The following RRAS2 variants were observed in gnomAD, a reference collection of about 807,000 sequenced individuals.
RRAS2 encodes RAS related 2.
A neutral mutation model predicts 27.6 loss-of-function variants in RRAS2; 7 were observed. The ratio of observed to expected loss-of-function variants is 0.25; its 90% CI spans 0.14 to 0.48. RRAS2 has a LOEUF of 0.48. RRAS2 is among the 20% of genes least tolerant of loss of function. The probability of loss-of-function intolerance (pLI) is 0.99; values close to 1 mark genes in which losing one functional copy is unlikely to be tolerated. For synonymous variants in RRAS2, 86 were observed against 90.9 expected, an observed-to-expected ratio of 0.95 and a Z score of 0.31; for missense variants, 178 against 256.2, an observed-to-expected ratio of 0.69 and a Z score of 2.08.
At position 14,335,034 on chromosome 11, in the gene RRAS2, C is replaced by A. The variant is rs16913833; in HGVS notation, c.108+23729G>T. ...CTGTTCATTGCTGAATCCAAACTTA[C>A]AATTTTCACCATCAGATTATTTACC... On this transcript the variant is annotated intron_variant, in intron 1 of 5. Transcript: ENST00000256196. Among the ~76,000 whole-genome samples, 53 of 152,296 alleles carry A rather than the reference C, an allele frequency of 3.5e-4. 1 individual carries two copies. The highest frequency in any genetic ancestry group is 3.3e-3 in the East Asian group (17 of 5,184).
chr11:14,364,284 T>G, intron 1 of RRAS2: 2 of 1,047,004 alleles, frequency 1.9e-6, no homozygotes, highest in Non-Finnish European at 2.9e-6. Flanking sequence ...GAGAGGGAGA[T>G]GCTAGAATCA....
intron 1 of RRAS2, among the ~76,000 whole-genome samples, chr11:14,331,153 T>C (rs1848472912): frequency 6.6e-6 from 1 of 152,186 alleles, no homozygotes; most frequent in African/African-American, 2.4e-5. Context: ...TACTACCCAA[T>C]TCATCTTTCA....
At chr11:14,303,894 C>T (rs1268801493) in intron 1 of RRAS2, among the ~76,000 whole-genome samples, 1 of 152,092 alleles carries the variant, frequency 6.6e-6, no homozygotes, top group African/African-American at 2.4e-5. Flanking sequence ...TTCATGAGGG[C>T]CCTCCATACT....
chr11:14,339,985 G>A (rs1322757125), intron 1 of RRAS2, among the ~76,000 whole-genome samples: 8 of 151,764 alleles, frequency 5.3e-5, no homozygotes, highest in African/African-American at 1.9e-4. Context: ...CGGGTGTGGT[G>A]GTGCAGGCCA....
At chr11:14,282,422 T>C (rs1261396985) in intron 4 of RRAS2, among the ~76,000 whole-genome samples, 2 of 152,142 alleles carry the variant, frequency 1.3e-5, no homozygotes, top group Non-Finnish European at 2.9e-5. Context: ...AAAGGTGGCA[T>C]AGCTGATTGA....
intron 1 of RRAS2, among the ~76,000 whole-genome samples, chr11:14,299,270 G>T (rs1200423960): frequency 6.6e-6 from 1 of 152,152 alleles, no homozygotes; most frequent in East Asian, 1.9e-4. Context: ...TTACACTTCA[G>T]ACCAACCACA....
At chr11:14,301,521 G>C (rs150007641) in intron 1 of RRAS2, among the ~76,000 whole-genome samples, 559 of 151,324 alleles carry the variant, frequency 3.7e-3, no homozygotes, top group Middle Eastern at 0.017. Context: ...TTTCTTCCCC[G>C]ACCGAACTAG....
chr11:14,317,986 A>G (rs1848148074), intron 1 of RRAS2, among the ~76,000 whole-genome samples: 2 of 152,192 alleles, frequency 1.3e-5, no homozygotes, highest in South Asian at 4.1e-4. Flanking sequence ...CACATTTCTA[A>G]AAGAGAATCA....
At chr11:14,286,475 A>C (rs1789382219) in intron 4 of RRAS2, among the ~76,000 whole-genome samples, 1 of 152,222 alleles carries the variant, frequency 6.6e-6, no homozygotes, top group Non-Finnish European at 1.5e-5. Context: ...GAGTTATACT[A>C]TCCAATACTC....
intron 1 of RRAS2, among the ~76,000 whole-genome samples, chr11:14,297,694 C>T (rs1039484214): frequency 6.6e-6 from 1 of 152,010 alleles, no homozygotes; most frequent in African/African-American, 2.4e-5. Context: ...CCCAGGAGTT[C>T]GAGGTTACAG....
intron 1 of RRAS2, among the ~76,000 whole-genome samples, chr11:14,315,576 T>A (rs1417368765): frequency 2.0e-5 from 3 of 152,200 alleles, no homozygotes; most frequent in African/African-American, 7.2e-5. Context: ...CTGAATAAAG[T>A]ATAGACTTTA....
intron 1 of RRAS2, among the ~76,000 whole-genome samples, chr11:14,318,453 A>C (rs1848158672): frequency 6.6e-6 from 1 of 152,110 alleles, no homozygotes; most frequent in South Asian, 2.1e-4. Flanking sequence ...CAGTGAGCTG[A>C]GACCATGCCA....
intron 1 of RRAS2, among the ~76,000 whole-genome samples, chr11:14,349,593 C>T (rs570436829): frequency 1.3e-5 from 2 of 152,250 alleles, no homozygotes; most frequent in African/African-American, 4.8e-5. Context: ...AACTGGCTCC[C>T]ATTTTCCACA....
intron 1 of RRAS2, among the ~76,000 whole-genome samples, chr11:14,302,443 C>T (rs1428325945): frequency 6.6e-6 from 1 of 152,088 alleles, no homozygotes; most frequent in Non-Finnish European, 1.5e-5. Flanking sequence ...GCCTGAAATC[C>T]AAATCCAGAA....
chr11:14,292,903 C>T (rs1008383436), intron 4 of RRAS2, among the ~76,000 whole-genome samples: 12 of 151,476 alleles, frequency 7.9e-5, no homozygotes, highest in African/African-American at 2.9e-4. Context: ...TTCAGGAGAT[C>T]GAGACCATCC....
chr11:14,289,926 C>G (rs1554945565), intron 4 of RRAS2, among the ~76,000 whole-genome samples: 2 of 152,070 alleles, frequency 1.3e-5, no homozygotes, highest in African/African-American at 4.8e-5. Flanking sequence ...AAAGAAACTA[C>G]AAATGATCAA....
chr11:14,326,702 C>G (rs1372357865), intron 1 of RRAS2, among the ~76,000 whole-genome samples: 1 of 152,160 alleles, frequency 6.6e-6, no homozygotes, highest in East Asian at 1.9e-4. Context: ...GCAGTTAAAA[C>G]TCCTATGTCG....
chr11:14,290,071 T>G (rs1258639437), intron 4 of RRAS2, among the ~76,000 whole-genome samples: 2 of 152,176 alleles, frequency 1.3e-5, no homozygotes, highest in African/African-American at 4.8e-5. Flanking sequence ...AGCATCCCCG[T>G]GGCCTGTCCA....
intron 4 of RRAS2, 56 bp from the exon 5 acceptor site, chr11:14,281,776 T>TGGAA: frequency 7.1e-7 from 1 of 1,411,456 alleles, no homozygotes; most frequent in Non-Finnish European, 9.7e-7. Context: ...ATTTGTTCCA[T>TGGAA]CTAATCCTGG....
Sources: allele counts gnomAD v4.1 joint callset (sites outside exome capture counted in the v4.1 genomes callset), GRCh38; gene constraint gnomAD v4.1.1; transcripts MANE v1.5; gene names NCBI Gene and HGNC (gene_info 2026-07-23, HGNC 2026-07-21).